Variants in PRDM10 observed in about 807,000 individuals in gnomAD.
PRDM10 encodes the protein PR domain zinc finger protein 10.
In PRDM10, 65 loss-of-function variants were observed where a neutral mutation model predicts 133.1. That is an observed-to-expected ratio of 0.49 (90% CI 0.40 to 0.60). The LOEUF is 0.60. PRDM10 is among the 20% of genes least tolerant of loss of function. PRDM10 has a pLI of 0.00. For synonymous variants in PRDM10, 582 were observed against 580.4 expected (o/e 1.00, Z -0.04); for missense variants, 1,137 against 1,507.1 (o/e 0.75, Z 4.07).
intron 11 of PRDM10, among the ~76,000 whole-genome samples, chr11:129,927,755 G>A (rs1565468285): frequency 6.6e-6 from 1 of 152,120 alleles, no homozygotes; most frequent in Non-Finnish European, 1.5e-5. Context: ...CTAATGGGAT[G>A]GTCATATTAC....
At chr11:129,949,778 A>G (rs1951531638) in intron 4 of PRDM10, among the ~76,000 whole-genome samples, 1 of 151,758 alleles carries the variant, frequency 6.6e-6, no homozygotes, top group Non-Finnish European at 1.5e-5. Flanking sequence ...TAAAAATACA[A>G]AAAAAAGTAG....
At chr11:129,978,725 CA>C (rs1239575897) in intron 1 of PRDM10, among the ~76,000 whole-genome samples, 15 of 152,224 alleles carry the variant, frequency 9.9e-5, no homozygotes, top group Admixed American at 9.8e-4. Context: ...CAAAGGGCTG[CA>C]GAGACTATCA....
intron 1 of PRDM10, among the ~76,000 whole-genome samples, chr11:129,974,388 C>A (rs1203274902): frequency 6.6e-6 from 1 of 151,670 alleles, no homozygotes; most frequent in African/African-American, 2.4e-5. Flanking sequence ...CAGAAGAGAG[C>A]AATAACATTT....
At position 129,958,412 on chromosome 11, in the gene PRDM10, C is replaced by T. The variant is rs567613231; in HGVS notation, c.70-502G>A. Among the ~76,000 whole-genome samples, 23 of 152,182 alleles carry T rather than the reference C, an allele frequency of 1.5e-4. 1 individual carries two copies. The highest frequency in any genetic ancestry group is 5.5e-4 in the African/African-American group (23 of 41,516). The stretch of plus-strand genomic sequence containing the variant: ...ATCCCAGCACTTTGGGAGGCCGAGG[C>T]AGGTGGATTACCTGAGGTCAGGAGT... On this transcript the variant is annotated intron_variant, in intron 2 of 20. Transcript: ENST00000360871.
chr11:129,935,894 T>C (rs1296817533), intron 8 of PRDM10, among the ~76,000 whole-genome samples: 1 of 152,242 alleles, frequency 6.6e-6, no homozygotes, highest in East Asian at 1.9e-4. Context: ...GTCTTTGTTA[T>C]TCACGGTGTC....
intron 1 of PRDM10, among the ~76,000 whole-genome samples, chr11:129,970,545 C>T (rs1252390582): frequency 7.0e-6 from 1 of 143,668 alleles, no homozygotes; most frequent in Non-Finnish European, 1.5e-5. Flanking sequence ...CATACCCAAC[C>T]TTTTTTTTTT....
intron 13 of PRDM10, among the ~76,000 whole-genome samples, chr11:129,919,327 AC>A (rs1340001744): frequency 6.6e-6 from 1 of 152,224 alleles, no homozygotes; most frequent in Admixed American, 6.5e-5. Flanking sequence ...AGATCACACC[AC>A]TGCACTCCAG....
At chr11:129,910,854 G>A (rs528253593) in intron 18 of PRDM10, among the ~76,000 whole-genome samples, 198 bp from the exon 19 acceptor site, 17 of 152,008 alleles carry the variant, frequency 1.1e-4, no homozygotes, top group South Asian at 1.0e-3. Flanking sequence ...TCGGCTCACC[G>A]CAACCTCCGC....
At chr11:129,996,769 T>A (rs1279320572) in intron 1 of PRDM10, among the ~76,000 whole-genome samples, 1 of 152,002 alleles carries the variant, frequency 6.6e-6, no homozygotes, top group Non-Finnish European at 1.5e-5. Context: ...GAAGTGGCGG[T>A]TCCAAAAGAG....
intron 1 of PRDM10, among the ~76,000 whole-genome samples, chr11:129,977,943 AGAGT>A (rs1937878726): frequency 6.6e-6 from 1 of 150,626 alleles, no homozygotes; most frequent in Admixed American, 6.7e-5. Context: ...CCTGGGCGAC[AGAGT>A]GAGAGACCCT....
chr11:129,967,822 C>T (rs945171114), intron 1 of PRDM10, among the ~76,000 whole-genome samples: 13 of 152,128 alleles, frequency 8.5e-5, no homozygotes, highest in Non-Finnish European at 1.8e-4. Flanking sequence ...TGGGCAGGCG[C>T]CAGACAATGG....
chr11:129,976,599 G>T (rs976157995), intron 1 of PRDM10, among the ~76,000 whole-genome samples: 6 of 152,210 alleles, frequency 3.9e-5, no homozygotes, highest in Non-Finnish European at 7.3e-5. Flanking sequence ...CCACATGACT[G>T]AGAGATGTCA....
chr11:129,950,931 C>T lies in PRDM10; in HGVS notation c.295-3561G>A, dbSNP rs74345126. 9.4e-3 allele frequency among the ~76,000 whole-genome samples: 1,425 copies of T among 152,344 alleles called. 3 individuals carry two copies. The highest frequency in any genetic ancestry group is 0.024 in the Middle Eastern group (7 of 294). ...GACATCAAGATAAAACCGGCCTTCA[C>T]TTCCCCATGCTGGACCTCTTTCCTA... is the stretch of plus-strand genomic sequence containing the variant. On this transcript the variant is annotated intron_variant, in intron 4 of 20. Transcript: ENST00000360871.
intron 1 of PRDM10, among the ~76,000 whole-genome samples, chr11:129,983,442 C>A (rs1938232328): frequency 6.6e-6 from 1 of 151,244 alleles, no homozygotes; most frequent in African/African-American, 2.4e-5. Flanking sequence ...CTACAGGTGC[C>A]CCCCACCGCG....
intron 1 of PRDM10, among the ~76,000 whole-genome samples, chr11:129,968,010 A>G (rs1951941929): frequency 6.6e-6 from 1 of 152,138 alleles, no homozygotes; most frequent in South Asian, 2.1e-4. Context: ...AGGATGCAGG[A>G]GCTCCTGCCT....
rs975424234 is a variant in PRDM10 at position 129,900,152 on chromosome 11, T to G, written c.*2161A>C. On this transcript the variant is annotated 3_prime_UTR_variant, in exon 21 of 21. Transcript: ENST00000360871. Reference sequence around the variant, plus strand: ...ATCCACACTGGCTACATACATGTTTTCCAAATTAAGTTTTCTGATGGCTCA... The same window carrying G: ...ATCCACACTGGCTACATACATGTTTGCCAAATTAAGTTTTCTGATGGCTCA... 1 of 152,468 alleles carries G rather than the reference T, an allele frequency of 6.6e-6. No homozygotes were observed. The highest frequency in any genetic ancestry group is 2.1e-4 in the South Asian group (1 of 4,832). The allele number at this position is 152,468 out of a possible 1,614,324, so 9.4% of individuals were successfully genotyped here.
intron 2 of PRDM10, among the ~76,000 whole-genome samples, chr11:129,960,632 G>A (rs759217223): frequency 2.0e-5 from 3 of 152,234 alleles, no homozygotes; most frequent in Middle Eastern, 3.4e-3. Flanking sequence ...TAAATAAAGC[G>A]GGGTAGTAAA....
chr11:129,994,377 A>G (rs1938924136), intron 1 of PRDM10, among the ~76,000 whole-genome samples: 1 of 139,780 alleles, frequency 7.2e-6, no homozygotes, highest in Non-Finnish European at 1.5e-5. Context: ...GGGCAGGGAG[A>G]ATTGCTTGAA....
chr11:129,950,974 G>A (rs1489575900), intron 4 of PRDM10, among the ~76,000 whole-genome samples: 1 of 152,196 alleles, frequency 6.6e-6, no homozygotes, highest in African/African-American at 2.4e-5. Context: ...GTGGCAAAAG[G>A]AAATGCTTAA....
Sources: gnomAD v4.1 joint callset for allele counts (sites outside exome capture counted in the v4.1 genomes callset) on GRCh38, gnomAD v4.1.1 for gene constraint, MANE v1.5 for transcripts, NCBI Gene and HGNC (gene_info 2026-07-23, HGNC 2026-07-21) for gene names.